The following NDUFAF2 variants were observed in gnomAD, a reference collection of about 807,000 sequenced individuals.
NDUFAF2 encodes the protein NADH:ubiquinone oxidoreductase complex assembly factor 2.
NDUFAF2 carries 13 observed loss-of-function variants against 22.8 expected under a neutral mutation model. The ratio of observed to expected loss-of-function variants is 0.57; its 90% confidence interval spans 0.37 to 0.91. The LOEUF (loss-of-function observed/expected upper bound fraction) is 0.91, where lower values mean the gene tolerates loss of function less well. Among genes scored for constraint, NDUFAF2 ranks in the 40% least tolerant of loss-of-function variants. The pLI, the probability that NDUFAF2 is intolerant of heterozygous loss-of-function variation, is 0.01. For synonymous variants in NDUFAF2, 53 were observed against 64.2 expected, an observed-to-expected ratio of 0.83 and a Z score of 0.84; for missense variants, 162 against 195.2, an observed-to-expected ratio of 0.83 and a Z score of 1.01.
intron 1 of NDUFAF2, among the ~76,000 whole-genome samples, chr5:61,066,974 C>A (rs561398777): frequency 8.6e-5 from 13 of 151,928 alleles, no homozygotes; most frequent in African/African-American, 3.1e-4. Flanking sequence ...TCAAAGGATA[C>A]AAAGTAGCAG....
Position 61,107,524 on chromosome 5 carries a change from C to A in NDUFAF2, c.258+8492C>A, listed in dbSNP as rs554332071. 1.3e-4 allele frequency among the ~76,000 whole-genome samples: 19 copies of A among 151,362 alleles called. 1 individual carries two copies. The highest frequency in any genetic ancestry group is 4.2e-4 in the African/African-American group (17 of 40,758). On this transcript the variant is annotated intron_variant, in intron 3 of 3. Transcript: ENST00000296597. ...TGGGTAGTTTGCAAATATGTTCTCC[C>A]ATTCTGTGAGTTGTCTCTTCACCTT...
intron 1 of NDUFAF2, among the ~76,000 whole-genome samples, chr5:61,058,993 T>C (rs948270233): frequency 4.6e-5 from 7 of 152,054 alleles, no homozygotes; most frequent in African/African-American, 1.7e-4. Context: ...CAAAAATTCC[T>C]TTCAGTTTGG....
chr5:61,047,459 T>C (rs1204906611), intron 1 of NDUFAF2, among the ~76,000 whole-genome samples: 1 of 152,156 alleles, frequency 6.6e-6, no homozygotes, highest in Non-Finnish European at 1.5e-5. Flanking sequence ...CATTTGTCTG[T>C]CAGCTTAGCT....
chr5:61,039,191 A>G (rs533224710), intron 1 of NDUFAF2, among the ~76,000 whole-genome samples: 1 of 151,576 alleles, frequency 6.6e-6, no homozygotes, highest in Non-Finnish European at 1.5e-5. Flanking sequence ...CACATGCCAG[A>G]GTGCTGAGGA....
At chr5:60,998,367 T>G (rs1370261675) in intron 1 of NDUFAF2, among the ~76,000 whole-genome samples, 3 of 152,134 alleles carry the variant, frequency 2.0e-5, no homozygotes, top group African/African-American at 7.2e-5. Flanking sequence ...ATGTGAAACC[T>G]CCAAATAAAT....
intron 1 of NDUFAF2, among the ~76,000 whole-genome samples, chr5:61,034,097 T>G (rs576395723): frequency 6.6e-6 from 1 of 152,240 alleles, no homozygotes; most frequent in Admixed American, 6.5e-5. Flanking sequence ...ATATTCTAAT[T>G]TAGACATTAG....
intron 3 of NDUFAF2, among the ~76,000 whole-genome samples, chr5:61,102,253 G>A (rs1752712936): frequency 1.3e-5 from 2 of 152,076 alleles, no homozygotes; most frequent in African/African-American, 4.8e-5. Context: ...AAAATTAAAG[G>A]GCTAATACTG....
chr5:61,031,861 G>A (rs1227462168), intron 1 of NDUFAF2, among the ~76,000 whole-genome samples: 12 of 151,990 alleles, frequency 7.9e-5, no homozygotes, highest in Non-Finnish European at 7.4e-5. Context: ...AAGCATTTCT[G>A]TTTCTCCACA....
chr5:61,081,258 T>G (rs1752438705), intron 2 of NDUFAF2, among the ~76,000 whole-genome samples: 6 of 152,194 alleles, frequency 3.9e-5, no homozygotes. Context: ...ATTTTGAGTC[T>G]GCCAACTTCT....
At chr5:61,011,698 C>T (rs955619156) in intron 1 of NDUFAF2, among the ~76,000 whole-genome samples, 2 of 152,018 alleles carry the variant, frequency 1.3e-5, no homozygotes, top group South Asian at 2.1e-4. Flanking sequence ...ACTAAGCAAA[C>T]GTTTCTATTG....
At chr5:60,978,820 C>A (rs903992483) in intron 1 of NDUFAF2, among the ~76,000 whole-genome samples, 18 of 152,128 alleles carry the variant, frequency 1.2e-4, no homozygotes, top group African/African-American at 4.1e-4. Flanking sequence ...TAGTGAGACA[C>A]CAGCTGGGAT....
intron 2 of NDUFAF2, among the ~76,000 whole-genome samples, chr5:61,090,961 T>TA (rs1362875670): frequency 2.6e-5 from 4 of 152,194 alleles, no homozygotes; most frequent in Non-Finnish European, 5.9e-5. Flanking sequence ...GTTCCTGTGT[T>TA]AGTTTGCTAA....
intron 1 of NDUFAF2, 118 bp downstream of exon 1, chr5:60,945,500 A>C: frequency 1.4e-6 from 2 of 1,447,398 alleles, no homozygotes; most frequent in Admixed American, 3.6e-5. Context: ...GTGTCACCGG[A>C]GAGAATTTCC....
chr5:61,034,910 ATATG>A (rs1441834557), intron 1 of NDUFAF2, among the ~76,000 whole-genome samples: 76 of 89,494 alleles, frequency 8.5e-4, no homozygotes, highest in South Asian at 2.8e-3. Context: ...AGGCAAATAT[ATATG>A]TGTGTGTGTG....
At chr5:61,117,702 A>C (rs1000671303) in intron 3 of NDUFAF2, among the ~76,000 whole-genome samples, 3 of 152,168 alleles carry the variant, frequency 2.0e-5, no homozygotes, top group African/African-American at 7.2e-5. Context: ...AATGTTAAAA[A>C]GCACATATAC....
intron 1 of NDUFAF2, among the ~76,000 whole-genome samples, chr5:61,056,913 AAAAAAAATATATATATATATATATAT>A (rs1179855321): frequency 6.3e-4 from 22 of 35,166 alleles, no homozygotes; most frequent in South Asian, 5.0e-3. Flanking sequence ...AAAAAAAAAA[AAAAAAAATATATATATATATATATAT>A]ATATATATAT....
At chr5:61,108,872 G>A (rs1248179826) in intron 3 of NDUFAF2, among the ~76,000 whole-genome samples, 1 of 152,072 alleles carries the variant, frequency 6.6e-6, no homozygotes, top group Non-Finnish European at 1.5e-5. Context: ...ACTGTATAGT[G>A]TAATTTATGC....
At chr5:60,957,143 T>G (rs981974807) in intron 1 of NDUFAF2, among the ~76,000 whole-genome samples, 1 of 152,120 alleles carries the variant, frequency 6.6e-6, no homozygotes, top group African/African-American at 2.4e-5. Context: ...AATCACTGTT[T>G]TATTTATTTT....
At chr5:61,092,276 G>C (rs1752577970) in intron 2 of NDUFAF2, among the ~76,000 whole-genome samples, 1 of 152,032 alleles carries the variant, frequency 6.6e-6, no homozygotes, top group Non-Finnish European at 1.5e-5. Context: ...AATTTAATGG[G>C]AATAGCATTG....
Sources: allele counts gnomAD v4.1 joint callset (sites outside exome capture counted in the v4.1 genomes callset), GRCh38; gene constraint gnomAD v4.1.1; transcripts MANE v1.5; gene names NCBI Gene and HGNC (gene_info 2026-07-23, HGNC 2026-07-21).